The following FBN2 variants were observed in gnomAD, a reference collection of about 807,000 sequenced individuals.
FBN2 encodes fibrillin-2.
A neutral mutation model predicts 355.6 loss-of-function variants in FBN2; 105 were observed. The ratio of observed to expected loss-of-function variants is 0.30; its 90% CI spans 0.25 to 0.35. The LOEUF is 0.35. Among genes scored for constraint, FBN2 ranks in the 10% least tolerant of loss-of-function variants. The probability of loss-of-function intolerance (pLI) is 1.00; values close to 1 mark genes in which losing one functional copy is unlikely to be tolerated. For synonymous variants in FBN2, 1,350 were observed against 1,301.2 expected (o/e 1.04, Z -0.81); for missense variants, 3,280 against 3,758.7 (o/e 0.87, Z 3.33).
At chr5:128,262,195 C>T (rs1764992899) in intron 63 of FBN2, among the ~76,000 whole-genome samples, 1 of 152,120 alleles carries the variant, frequency 6.6e-6, no homozygotes, top group African/African-American at 2.4e-5. Context: ...GGACAACCGG[C>T]ACACACCACC....
At chr5:128,265,075 A>G (rs1765086025) in intron 62 of FBN2, among the ~76,000 whole-genome samples, 1 of 152,258 alleles carries the variant, frequency 6.6e-6, no homozygotes, top group Non-Finnish European at 1.5e-5. Context: ...TGGCAGGGGA[A>G]GAACGTAGAT....
Position 128,350,860 on chromosome 5 carries a change from G to A in FBN2, c.2812+8C>T. The A allele has an allele frequency of 6.2e-7, 1 of 1,614,028 alleles. No homozygotes were observed. Among genetic ancestry groups the A allele is most frequent in the Non-Finnish European group, 8.5e-7 (1 of 1,179,992 alleles). ...GAGAAGCCCAGAAGCTCCCAATAAG[G>A]CTCCTACCTAGTTCACACCGCTCAC... On this transcript the variant is annotated splice_region_variant and intron_variant, in intron 21 of 64. Coordinates refer to ENST00000262464, the MANE Select transcript of FBN2 (RefSeq NM_001999.4).
chr5:128,377,611 T>C, intron 13 of FBN2, 141 bp downstream of exon 13: 1 of 908,634 alleles, frequency 1.1e-6, no homozygotes, highest in Admixed American at 1.9e-5. Flanking sequence ...AGTCTTATAT[T>C]AAATGCATTT....
chr5:128,518,148 G>C (rs1018336803), intron 5 of FBN2, among the ~76,000 whole-genome samples: 5 of 152,112 alleles, frequency 3.3e-5, no homozygotes, highest in African/African-American at 9.7e-5. Flanking sequence ...GAGGGAGCCA[G>C]CAAACTTGAG....
At chr5:128,296,018 C>G (rs1484744647) in intron 48 of FBN2, among the ~76,000 whole-genome samples, 1 of 151,848 alleles carries the variant, frequency 6.6e-6, no homozygotes, top group Non-Finnish European at 1.5e-5. Flanking sequence ...CCCATCAATA[C>G]CTAATTTATT....
chr5:128,473,006 T>A (rs1487886888), intron 5 of FBN2, among the ~76,000 whole-genome samples: 1 of 152,186 alleles, frequency 6.6e-6, no homozygotes, highest in Non-Finnish European at 1.5e-5. Flanking sequence ...CGTGCGACAT[T>A]GACCACGCCC....
At chr5:128,295,263 G>A (rs1395682840) in intron 48 of FBN2, among the ~76,000 whole-genome samples, 18 of 151,844 alleles carry the variant, frequency 1.2e-4, no homozygotes, top group African/African-American at 3.6e-4. Flanking sequence ...TTGAAGTCAG[G>A]TAGTGTGATG....
At chr5:128,322,454 C>G (rs1750406230) in intron 34 of FBN2, among the ~76,000 whole-genome samples, 1 of 151,998 alleles carries the variant, frequency 6.6e-6, no homozygotes, top group South Asian at 2.1e-4. Context: ...CTTGAGTTAA[C>G]TTTCGTATAA....
chr5:128,388,756 T>C (rs1231381405), intron 11 of FBN2, among the ~76,000 whole-genome samples: 1 of 152,134 alleles, frequency 6.6e-6, no homozygotes, highest in East Asian at 1.9e-4. Flanking sequence ...TTCTCTTTAG[T>C]TGCCTTTAAA....
intron 4 of FBN2, among the ~76,000 whole-genome samples, chr5:128,524,744 A>G (rs1457876369): frequency 6.6e-6 from 1 of 152,128 alleles, no homozygotes; most frequent in Admixed American, 6.5e-5. Flanking sequence ...TAGTTATCAT[A>G]CCTTTACCTT....
chr5:128,284,605 T>G (rs950916319), intron 55 of FBN2, among the ~76,000 whole-genome samples: 16 of 152,178 alleles, frequency 1.1e-4, no homozygotes, highest in African/African-American at 3.6e-4. Flanking sequence ...TCAATTCATG[T>G]TTGTTGTATG....
intron 25 of FBN2, among the ~76,000 whole-genome samples, chr5:128,340,434 C>T (rs1750982069): frequency 6.6e-6 from 1 of 152,148 alleles, no homozygotes; most frequent in Non-Finnish European, 1.5e-5. Context: ...TTCTTTTAAA[C>T]AAACATATTA....
At chr5:128,356,869 A>G (rs1751515863) in intron 20 of FBN2, among the ~76,000 whole-genome samples, 1 of 152,196 alleles carries the variant, frequency 6.6e-6, no homozygotes, top group African/African-American at 2.4e-5. Flanking sequence ...TAAAAGCTTC[A>G]AATTCTTGTC....
At chr5:128,322,102 T>C (rs1031255796) in intron 34 of FBN2, among the ~76,000 whole-genome samples, 3 of 152,222 alleles carry the variant, frequency 2.0e-5, no homozygotes, top group Non-Finnish European at 4.4e-5. Context: ...TTGAAAATTG[T>C]CTGTTCATAT....
chr5:128,486,804 C>T lies in FBN2; in HGVS notation c.629-21883G>A, dbSNP rs193157816. On this transcript the variant is annotated intron_variant, in intron 5 of 64. Coordinates refer to ENST00000262464, the MANE Select transcript of FBN2 (RefSeq NM_001999.4). ...CACCTCATGACAGGTGTGTGATGTT[C>T]CCCTTCCTGTGTCCAAGTGTTCTCA... 5.4e-4 allele frequency among the ~76,000 whole-genome samples: 82 copies of T among 152,168 alleles called. 1 individual carries two copies. Among genetic ancestry groups the T allele is most frequent in the African/African-American group, 1.9e-3 (78 of 41,504 alleles).
At position 128,335,413 on chromosome 5, in the gene FBN2, ATTAG is replaced by A. The variant is rs752934768; in HGVS notation, c.3847+38_3847+41del. 5.0e-6 allele frequency: 8 copies of A among 1,613,874 alleles called. No homozygotes were observed. The East Asian group carries it at 1.3e-4, about 27-fold the overall frequency. ...TCTGGAGCCATATTTTCAAGAAAAA[ATTAG>A]TTAGATGTACAAAACCTGTGTGTTT... is the stretch of plus-strand genomic sequence containing the variant. On this transcript the variant is annotated intron_variant, in intron 29 of 64. Transcript: ENST00000262464.
chr5:128,352,119 A>G (rs1311870433), intron 20 of FBN2, among the ~76,000 whole-genome samples: 1 of 152,190 alleles, frequency 6.6e-6, no homozygotes, highest in African/African-American at 2.4e-5. Flanking sequence ...AAAGCCCTAT[A>G]AAACGAAGAA....
chr5:128,480,097 C>A (rs1755137073), intron 5 of FBN2, among the ~76,000 whole-genome samples: 1 of 138,976 alleles, frequency 7.2e-6, no homozygotes, highest in South Asian at 2.2e-4. Flanking sequence ...TATATATATT[C>A]TCTCCATATA....
chr5:128,288,211 G>C (rs1038739423), intron 53 of FBN2, among the ~76,000 whole-genome samples: 3 of 152,182 alleles, frequency 2.0e-5, no homozygotes, highest in Non-Finnish European at 4.4e-5. Context: ...TGCCAACCCT[G>C]AGATGACCCA....
Sources: gnomAD v4.1 joint callset for allele counts (sites outside exome capture counted in the v4.1 genomes callset) on GRCh38, gnomAD v4.1.1 for gene constraint, MANE v1.5 for transcripts, NCBI Gene and HGNC (gene_info 2026-07-23, HGNC 2026-07-21) for gene names.